PDE4D: variants seen among roughly 807,000 people sequenced by gnomAD.
PDE4D encodes phosphodiesterase 4D.
In PDE4D, 24 loss-of-function variants were observed where a neutral mutation model predicts 87.4. That is an observed-to-expected ratio of 0.27 (90% CI 0.20 to 0.39). The LOEUF (loss-of-function observed/expected upper bound fraction) is 0.39. Among genes scored for constraint, PDE4D ranks in the 10% least tolerant of loss-of-function variants. The pLI, the probability that PDE4D is intolerant of heterozygous loss-of-function variation, is 1.00. For synonymous variants in PDE4D, 384 were observed against 383.2 expected, an observed-to-expected ratio of 1.00 and a Z score of -0.02; for missense variants, 714 against 1,041.0, an observed-to-expected ratio of 0.69 and a Z score of 4.32.
chr5:60,297,984 G>A (rs1425975636), intron 1 of PDE4D, among the ~76,000 whole-genome samples: 1 of 152,122 alleles, frequency 6.6e-6, no homozygotes, highest in African/African-American at 2.4e-5. Flanking sequence ...TACTTCAAAT[G>A]TGCATTCAAA....
chr5:59,497,730 A>C, intron 1 of PDE4D, among the ~76,000 whole-genome samples: 1 of 152,190 alleles, frequency 6.6e-6, no homozygotes, highest in East Asian at 1.9e-4. Flanking sequence ...AGAGAAACTA[A>C]GCAACTTGGA....
chr5:60,460,233 T>C (rs1416199081), intron 1 of PDE4D: 2 of 1,338,698 alleles, frequency 1.5e-6, no homozygotes, highest in Non-Finnish European at 1.1e-6. Flanking sequence ...TCCATTTCAT[T>C]TCAGTGGACT....
intron 1 of PDE4D, among the ~76,000 whole-genome samples, chr5:60,495,931 C>A (rs990814196): frequency 2.0e-5 from 3 of 152,248 alleles, no homozygotes; most frequent in South Asian, 4.1e-4. Context: ...ACATGGAAAG[C>A]AAAACAGGGC....
In PDE4D at chr5:59,324,814, T is replaced by C. The variant is rs115205154; in HGVS notation, c.456-108846A>G. 1.6e-3 allele frequency among the ~76,000 whole-genome samples: 245 copies of C among 152,266 alleles called. 1 individual carries two copies. Among genetic ancestry groups the C allele is most frequent in the African/African-American group, 5.4e-3 (224 of 41,566 alleles). On this transcript the variant is annotated intron_variant, in intron 1 of 14. Coordinates refer to ENST00000340635, the MANE Select transcript of PDE4D (RefSeq NM_001104631.2). ...TTTCTGGCAGTTACAGCTGCAAGCA[T>C]TCTCACTGACTGACACATGTCTATC... is the stretch of plus-strand genomic sequence containing the variant.
At chr5:60,351,058 C>T (rs2149925058) in intron 1 of PDE4D, among the ~76,000 whole-genome samples, 1 of 152,298 alleles carries the variant, frequency 6.6e-6, no homozygotes, top group South Asian at 2.1e-4. Context: ...TGAGCATGTG[C>T]TCAGGCATTT....
At chr5:59,037,944 T>G (rs4699934) in intron 6 of PDE4D, among the ~76,000 whole-genome samples, 36,164 of 152,084 alleles carry the variant, frequency 0.24, 5,986 homozygotes, top group East Asian at 0.76. Context: ...TTAAATATCT[T>G]GACGAGGCAA....
At chr5:60,212,684 A>C (rs1272296691) in intron 1 of PDE4D, among the ~76,000 whole-genome samples, 1 of 152,240 alleles carries the variant, frequency 6.6e-6, no homozygotes, top group Non-Finnish European at 1.5e-5. Context: ...CCACTTAAGC[A>C]GCTAATGCTA....
chr5:59,556,546 C>A (rs1818950510), intron 1 of PDE4D, among the ~76,000 whole-genome samples: 1 of 152,046 alleles, frequency 6.6e-6, no homozygotes, highest in African/African-American at 2.4e-5. Flanking sequence ...AAACAGTATC[C>A]CAGGGGAGAA....
chr5:59,936,808 T>C (rs1756633668), intron 3 of PDE4D, among the ~76,000 whole-genome samples: 1 of 152,204 alleles, frequency 6.6e-6, no homozygotes, highest in South Asian at 2.1e-4. Flanking sequence ...ATGGCATATA[T>C]TAAATAAAAG....
At chr5:60,426,596 G>T (rs1743741296) in intron 1 of PDE4D, among the ~76,000 whole-genome samples, 1 of 152,012 alleles carries the variant, frequency 6.6e-6, no homozygotes, top group Admixed American at 6.5e-5. Context: ...TGAGTTGATG[G>T]GTGAAGCAAA....
At chr5:60,184,115 T>G (rs935027473) in intron 2 of PDE4D, among the ~76,000 whole-genome samples, 2 of 152,214 alleles carry the variant, frequency 1.3e-5, no homozygotes, top group Admixed American at 1.3e-4. Flanking sequence ...TCTCCTAGCA[T>G]CATTAAGTAG....
At chr5:59,598,049 A>T (rs994231753) in intron 1 of PDE4D, among the ~76,000 whole-genome samples, 1 of 152,120 alleles carries the variant, frequency 6.6e-6, no homozygotes, top group Non-Finnish European at 1.5e-5. Flanking sequence ...CACGTCCCAA[A>T]CTGATGAGAC....
intron 2 of PDE4D, among the ~76,000 whole-genome samples, chr5:60,114,874 GTA>G (rs1163881313): frequency 6.6e-6 from 1 of 150,852 alleles, no homozygotes; most frequent in Admixed American, 6.6e-5. Flanking sequence ...ATGTGTGTAT[GTA>G]TGTGTGTGTA....
At chr5:59,495,658 T>A (rs1807042779) in intron 1 of PDE4D, among the ~76,000 whole-genome samples, 1 of 152,140 alleles carries the variant, frequency 6.6e-6, no homozygotes, top group African/African-American at 2.4e-5. Context: ...AAGCCAGGTT[T>A]CTTCTGGGTG....
intron 1 of PDE4D, among the ~76,000 whole-genome samples, chr5:60,315,086 G>C (rs1289565807): frequency 6.6e-6 from 1 of 152,214 alleles, no homozygotes; most frequent in Non-Finnish European, 1.5e-5. Flanking sequence ...GGTTGAACCA[G>C]TTTACAATCC....
intron 2 of PDE4D, among the ~76,000 whole-genome samples, chr5:60,047,254 C>A (rs971852107): frequency 6.6e-6 from 1 of 152,140 alleles, no homozygotes; most frequent in Non-Finnish European, 1.5e-5. Context: ...TGATTCTTCT[C>A]TCTTTTTTTC....
chr5:59,866,070 C>A (rs956571476), intron 1 of PDE4D, among the ~76,000 whole-genome samples: 1 of 152,162 alleles, frequency 6.6e-6, no homozygotes, highest in Non-Finnish European at 1.5e-5. Flanking sequence ...AGTAAGAAAG[C>A]TTATTAAATC....
intron 1 of PDE4D, among the ~76,000 whole-genome samples, chr5:59,698,095 T>C (rs534034549): frequency 3.9e-4 from 60 of 152,150 alleles, no homozygotes; most frequent in Non-Finnish European, 7.6e-4. Context: ...AAAAACAGTA[T>C]AGAAAGCATT....
chr5:59,475,956 A>G (rs1412345602), intron 1 of PDE4D, among the ~76,000 whole-genome samples: 3 of 152,124 alleles, frequency 2.0e-5, no homozygotes, highest in Non-Finnish European at 4.4e-5. Flanking sequence ...GAATATGTAA[A>G]GAACACAAAC....
Sources: allele counts gnomAD v4.1 joint callset (sites outside exome capture counted in the v4.1 genomes callset), GRCh38; gene constraint gnomAD v4.1.1; transcripts MANE v1.5; gene names NCBI Gene and HGNC (gene_info 2026-07-23, HGNC 2026-07-21).